PIP5K1A: variants seen among roughly 807,000 people sequenced by gnomAD.
PIP5K1A encodes the protein phosphatidylinositol-4-phosphate 5-kinase type 1 alpha, also known as phosphatidylinositol 4-phosphate 5-kinase type-1 alpha.
In PIP5K1A, 46 loss-of-function variants were observed where a neutral mutation model predicts 72.9. The ratio of observed to expected loss-of-function variants is 0.63; its 90% CI spans 0.50 to 0.81. The LOEUF (loss-of-function observed/expected upper bound fraction) is 0.81. Among genes scored for constraint, PIP5K1A ranks in the 30% least tolerant of loss-of-function variants. PIP5K1A has a pLI of 0.00. For missense variants in PIP5K1A, 458 were observed against 706.1 expected (o/e 0.65, Z 3.98); for synonymous variants, 228 against 255.1 (o/e 0.89, Z 1.01).
chr1:151,237,076 C>A (rs904279045), intron 9 of PIP5K1A, among the ~76,000 whole-genome samples: 3 of 152,000 alleles, frequency 2.0e-5, no homozygotes, highest in African/African-American at 7.2e-5. Flanking sequence ...GTGATCCACC[C>A]GCCTTGGCCT....
In PIP5K1A at chr1:151,227,238, T is replaced by G. The variant is rs958022184; in HGVS notation, c.157-82T>G. 4 of 794,968 alleles carry G rather than the reference T, an allele frequency of 5.0e-6. No individual in the cohort carries two copies. The African/African-American group carries it at 6.9e-5, about 14-fold the overall frequency. The allele number at this position is 794,968 out of a possible 1,614,324, so 49.2% of individuals were successfully genotyped here. ...TCTAGAAAGAATATGTTGTTTCAGT[T>G]TATTTTGTTTTGATGTACCATTGTG... On this transcript the variant is annotated intron_variant, in intron 3 of 15. Transcript: ENST00000368888.
At chr1:151,221,806 G>A (rs764474889) in intron 1 of PIP5K1A, among the ~76,000 whole-genome samples, 1 of 152,206 alleles carries the variant, frequency 6.6e-6, no homozygotes, top group Non-Finnish European at 1.5e-5. Context: ...GTGCAGTGGT[G>A]CAGTCTGATA....
In PIP5K1A at chr1:151,242,083, A is replaced by G. The variant is rs1468373754; in HGVS notation, c.1364-40A>G. On this transcript the variant is annotated intron_variant, in intron 12 of 15. Coordinates refer to ENST00000368888, the MANE Select transcript of PIP5K1A (RefSeq NM_001135638.2). Reference sequence around the variant, plus strand: ...TATCTATGTCTTGGTAATAGTTGCTAAGGTAGTTGCTAAGTAGGCTCTCTC... The same window carrying G: ...TATCTATGTCTTGGTAATAGTTGCTGAGGTAGTTGCTAAGTAGGCTCTCTC... 11 of 1,607,276 alleles carry G rather than the reference A, an allele frequency of 6.8e-6. No individual in the cohort carries two copies. The Middle Eastern group carries it at 6.6e-4, about 97-fold the overall frequency.
intron 3 of PIP5K1A, among the ~76,000 whole-genome samples, chr1:151,225,040 G>A (rs1688905120): frequency 6.6e-6 from 1 of 152,178 alleles, no homozygotes; most frequent in African/African-American, 2.4e-5. Context: ...CAGGTCTTAA[G>A]ATTGGGACAT....
intron 4 of PIP5K1A, among the ~76,000 whole-genome samples, chr1:151,228,048 T>TTG (rs1044863470): frequency 6.6e-6 from 1 of 152,212 alleles, no homozygotes; most frequent in African/African-American, 2.4e-5. Flanking sequence ...TTCTGTCTTT[T>TTG]TGTCCATTGC....
In PIP5K1A at chr1:151,229,167, CAAAAAAAAA is replaced by C. The variant is rs34356281; in HGVS notation, c.237+1785_237+1793del. On this transcript the variant is annotated intron_variant, in intron 4 of 15. Coordinates refer to ENST00000368888, the MANE Select transcript of PIP5K1A (RefSeq NM_001135638.2). The stretch of plus-strand genomic sequence containing the variant: ...TGGGCAACAGAGCGAGACCCCGTCT[CAAAAAAAAA>C]AAAAAAAAAAAAAAAAACAGGAAAG... Among the ~76,000 whole-genome samples the C allele has an allele frequency of 9.8e-3, 406 of 41,368 alleles. 8 individuals carry two copies. The highest frequency in any genetic ancestry group is 0.033 in the African/African-American group (375 of 11,332). The allele number at this position is 41,368 out of a possible 152,430, so 27.1% of individuals were successfully genotyped here.
chr1:151,221,298 G>C (rs765426812), intron 1 of PIP5K1A, among the ~76,000 whole-genome samples: 1 of 152,176 alleles, frequency 6.6e-6, no homozygotes, highest in Non-Finnish European at 1.5e-5. Context: ...ATGTAGAGAT[G>C]CCTGAGTGAT....
In PIP5K1A at chr1:151,234,478, C is replaced by A; in HGVS notation, c.921C>A (p.Thr307=). 6.2e-7 allele frequency: 1 copy of A among 1,613,886 alleles called. No homozygotes were observed. The highest frequency in any genetic ancestry group is 8.5e-7 in the Non-Finnish European group (1 of 1,179,834). The change falls in exon 8 of 16, where the codon ACC becomes ACA. Residue 307 remains threonine (T), a synonymous_variant. Transcript: ENST00000368888. The part of the protein sequence containing the change: ...DADMYNALCK[T]LQRDCLVLQS... Reference sequence around the variant, plus strand: ...ACATGTACAACGCTCTCTGTAAGACCCTGCAGCGTGACTGTTTGGTGAGTT... The same window carrying A: ...ACATGTACAACGCTCTCTGTAAGACACTGCAGCGTGACTGTTTGGTGAGTT...
chr1:151,216,500 G>T (rs1217946344), intron 1 of PIP5K1A, among the ~76,000 whole-genome samples: 1 of 152,082 alleles, frequency 6.6e-6, no homozygotes, highest in Non-Finnish European at 1.5e-5. Flanking sequence ...TAACATAGAA[G>T]TATCTTTTCT....
rs1360063299 is a variant in PIP5K1A at position 151,234,636 on chromosome 1, T to C, written c.939+140T>C. On this transcript the variant is annotated intron_variant, in intron 8 of 15. Coordinates refer to ENST00000368888, the MANE Select transcript of PIP5K1A (RefSeq NM_001135638.2). ...TGTATTTAAAATAAGTCTTAATTAG[T>C]TCATTGCCATTCCTTTACATTTTTA... is the stretch of plus-strand genomic sequence containing the variant. The C allele has an allele frequency of 4.6e-6, 3 of 649,762 alleles. No homozygotes were observed. The African/African-American group carries it at 5.5e-5, about 12-fold the overall frequency. The allele number at this position is 649,762 out of a possible 1,614,324, so 40.2% of individuals were successfully genotyped here. A position where few individuals can be genotyped will look rare whatever the true frequency, so the allele number is the denominator to read the frequency against.
rs1570953769 is a variant in PIP5K1A, at chr1:151,233,865, C to T, written c.640-332C>T. ...GGTTCTGGAGAAGTTAGGTAACTCT[C>T]CTTACCTGCCTTACCATCCCCAAGA... On this transcript the variant is annotated intron_variant, in intron 7 of 15. Transcript: ENST00000368888. The T allele has an allele frequency of 2.0e-5, 5 of 251,962 alleles. No individual in the cohort carries two copies. In the East Asian group the frequency reaches 4.5e-4, roughly 23 times the overall value. 15.6% of individuals were successfully genotyped at this position (251,962 alleles called of 1,614,324 possible).
rs759523740 is a variant in PIP5K1A, at chr1:151,227,348, A to G, written c.185A>G (p.Lys62Arg). 3.7e-6 allele frequency: 6 copies of G among 1,613,008 alleles called. No homozygotes were observed. The Admixed American group carries it at 6.7e-5, about 18-fold the overall frequency. The change falls in exon 4 of 16, where the codon AAG (lysine) becomes AGG (arginine). Residue 62 changes from lysine (K) to arginine (R), a missense_variant. This residue lies in a region of PIP5K1A where 81 missense variants were observed against 88.0 expected (regional missense o/e 0.92). Transcript: ENST00000368888. ...LVPYASGMPI[K>R]KIGHRSVDSS... ...CCTTATGCCTCTGGCATGCCCATCAAGAAAATAGGCCATAGAAGTGTTGAT... is the reference window on the plus strand; with the variant it reads ...CCTTATGCCTCTGGCATGCCCATCAGGAAAATAGGCCATAGAAGTGTTGAT...
intron 1 of PIP5K1A, among the ~76,000 whole-genome samples, chr1:151,216,468 C>T (rs1687636195): frequency 6.6e-6 from 1 of 152,018 alleles, no homozygotes; most frequent in African/African-American, 2.4e-5. Flanking sequence ...TCTCACTGCC[C>T]TCTCCAAAAA....
At chr1:151,241,567 T>G (rs778941728) in intron 12 of PIP5K1A, among the ~76,000 whole-genome samples, 4 of 151,422 alleles carry the variant, frequency 2.6e-5, no homozygotes, top group Non-Finnish European at 5.9e-5. Flanking sequence ...TTGGGAGGCC[T>G]AGGTGGGCGG....
At position 151,249,005 on chromosome 1, in the gene PIP5K1A, C is replaced by T. The variant is rs587686019; in HGVS notation, c.*1140C>T. 6.6e-6 allele frequency: 1 copy of T among 152,368 alleles called. No individual in the cohort carries two copies. Among genetic ancestry groups the T allele is most frequent in the South Asian group, 2.1e-4 (1 of 4,826 alleles). 9.4% of individuals were successfully genotyped at this position (152,368 alleles called of 1,614,324 possible). A position where few individuals can be genotyped will look rare whatever the true frequency, so the allele number is the denominator to read the frequency against. Reference sequence around the variant, plus strand: ...TTGCTGTGCCATATGTCCTACCCCCCTGTCTTCATGCAGGGAAGTTGGAAA... The same window carrying T: ...TTGCTGTGCCATATGTCCTACCCCCTTGTCTTCATGCAGGGAAGTTGGAAA... On this transcript the variant is annotated 3_prime_UTR_variant, in exon 16 of 16. Transcript: ENST00000368888.
At chr1:151,210,280 C>G (rs887632370) in intron 1 of PIP5K1A, among the ~76,000 whole-genome samples, 1 of 151,136 alleles carries the variant, frequency 6.6e-6, no homozygotes, top group African/African-American at 2.4e-5. Flanking sequence ...ACTGTAGCCT[C>G]AAACTCCTGG....
intron 1 of PIP5K1A, among the ~76,000 whole-genome samples, chr1:151,215,617 C>G (rs144765156): frequency 3.9e-5 from 6 of 152,270 alleles, no homozygotes; most frequent in African/African-American, 1.4e-4. Context: ...TGAGCCTCTG[C>G]GCCCGGCATT....
At chr1:151,245,213 G>A (rs796702203) in intron 14 of PIP5K1A, among the ~76,000 whole-genome samples, 8 of 152,202 alleles carry the variant, frequency 5.3e-5, no homozygotes, top group African/African-American at 1.9e-4. Context: ...ACTTTGCTTG[G>A]AAATCTCCGT....
intron 1 of PIP5K1A, among the ~76,000 whole-genome samples, chr1:151,204,823 A>C (rs190086234): frequency 2.0e-4 from 30 of 152,298 alleles, no homozygotes; most frequent in Non-Finnish European, 1.0e-4. Context: ...CATGACACTC[A>C]AGCCCATTGT....
Sources: gnomAD v4.1 joint callset for allele counts (sites outside exome capture counted in the v4.1 genomes callset) on GRCh38, gnomAD v4.1.1 for gene constraint, gnomAD v4.1.1 regional missense constraint, MANE v1.5 for transcripts, NCBI Gene and HGNC (gene_info 2026-07-23, HGNC 2026-07-21) for gene names.